Variants in PSMD1 observed in about 807,000 individuals in gnomAD.
The protein encoded by PSMD1 is proteasome 26S subunit, non-ATPase 1.
Under a neutral mutation model 119.0 loss-of-function variants are expected in PSMD1, and 18 were observed. The observed-to-expected ratio is 0.15, with a 90% confidence interval of 0.10 to 0.22. PSMD1 has a LOEUF of 0.22. Among genes scored for constraint, PSMD1 ranks in the 10% least tolerant of loss-of-function variants. PSMD1 has a pLI of 1.00. For missense variants in PSMD1, 702 were observed against 1,158.5 expected (o/e 0.61, Z 5.72); for synonymous variants, 374 against 396.6 (o/e 0.94, Z 0.68).
At chr2:231,073,389 A>G (rs1223037343) in intron 7 of PSMD1, among the ~76,000 whole-genome samples, 1 of 152,194 alleles carries the variant, frequency 6.6e-6, no homozygotes, top group Non-Finnish European at 1.5e-5. Context: ...AGGTATGCCT[A>G]TATTTTTCTT....
chr2:231,092,570 C>T (rs1694621668), intron 16 of PSMD1, among the ~76,000 whole-genome samples: 1 of 152,160 alleles, frequency 6.6e-6, no homozygotes, highest in South Asian at 2.1e-4. Flanking sequence ...GATATCCCGT[C>T]CCTCCATCGG....
chr2:231,153,742 G>T, intron 19 of PSMD1, 76 bp downstream of exon 19: 1 of 1,050,182 alleles, frequency 9.5e-7, no homozygotes, highest in South Asian at 1.6e-5. Flanking sequence ...CTAACTATAT[G>T]ACATAATGGA....
At chr2:231,148,931 C>G (rs1696309611) in intron 18 of PSMD1, among the ~76,000 whole-genome samples, 1 of 152,114 alleles carries the variant, frequency 6.6e-6, no homozygotes, top group Non-Finnish European at 1.5e-5. Context: ...GTCTTAATTG[C>G]AAGATTGCAA....
At chr2:231,130,632 A>G (rs1347696404) in intron 16 of PSMD1, among the ~76,000 whole-genome samples, 2 of 151,918 alleles carry the variant, frequency 1.3e-5, no homozygotes, top group Non-Finnish European at 2.9e-5. Flanking sequence ...TAATTTTTGT[A>G]TTTTTTGTAG....
chr2:231,096,674 G>A (rs754735349), intron 16 of PSMD1, among the ~76,000 whole-genome samples: 2 of 152,190 alleles, frequency 1.3e-5, no homozygotes, highest in East Asian at 1.9e-4. Context: ...AGAAGGGTGC[G>A]CCCTTACAGA....
intron 19 of PSMD1, among the ~76,000 whole-genome samples, chr2:231,156,916 T>TTAC (rs1696519749): frequency 6.6e-6 from 1 of 152,232 alleles, no homozygotes; most frequent in Admixed American, 6.5e-5. Context: ...TCTCCTGAAC[T>TTAC]TACTACTTAT....
At chr2:231,107,755 C>T (rs1364536223) in intron 16 of PSMD1, among the ~76,000 whole-genome samples, 1 of 152,162 alleles carries the variant, frequency 6.6e-6, no homozygotes, top group African/African-American at 2.4e-5. Flanking sequence ...GTTTGTATCC[C>T]TGATTAAGAT....
chr2:231,125,457 TGAA>T (rs1695696279), intron 16 of PSMD1, among the ~76,000 whole-genome samples: 1 of 152,244 alleles, frequency 6.6e-6, no homozygotes. Flanking sequence ...TTTCTAGCAG[TGAA>T]ACAAGATTCT....
At chr2:231,076,495 C>T (rs963730925) in intron 8 of PSMD1, among the ~76,000 whole-genome samples, 17 of 152,216 alleles carry the variant, frequency 1.1e-4, no homozygotes, top group Admixed American at 5.9e-4. Flanking sequence ...GGCAAAACCC[C>T]GTCTCTACTA....
chr2:231,095,296 TC>T, intron 16 of PSMD1, among the ~76,000 whole-genome samples: 1 of 152,326 alleles, frequency 6.6e-6, no homozygotes, highest in Middle Eastern at 3.4e-3. Flanking sequence ...TTTTTGATAA[TC>T]ATTTAAGGTG....
In PSMD1 at chr2:231,170,574, T is replaced by C; in HGVS notation, c.2724T>C (p.Ile908=). ...CRYQPFKPLS[I]GGIIILKDTS... The stretch of plus-strand genomic sequence containing the variant: ...CGCCCCTGTGTTTCCAGCTCTCTAT[T>C]GGAGGCATCATCATTCTGAAGGATA... The change falls in exon 24 of 25, where the codon ATT becomes ATC. Residue 908 remains isoleucine (I), a synonymous_variant. Coordinates refer to ENST00000308696, the MANE Select transcript of PSMD1 (RefSeq NM_002807.4). The surrounding 1 kb of genome is among the most constrained non-coding windows in gnomAD (Gnocchi z 4.1). 1 of 1,613,194 alleles carries C rather than the reference T, an allele frequency of 6.2e-7. No individual in the cohort carries two copies. Among genetic ancestry groups the C allele is most frequent in the Middle Eastern group, 1.7e-4 (1 of 6,060 alleles).
chr2:231,159,542 C>T (rs1418576618), intron 19 of PSMD1, among the ~76,000 whole-genome samples: 1 of 152,164 alleles, frequency 6.6e-6, no homozygotes, highest in Non-Finnish European at 1.5e-5. Context: ...TTACAGTTTG[C>T]TTCAGTCCCC....
In PSMD1 at chr2:231,171,580, A is replaced by G. The variant is rs1486298964; in HGVS notation, c.*9+859A>G. ...TTTTTTTTTTTTTTTTTTGAGACGG[A>G]GTTTCGCTCTTGTTGCTCTTGGCTG... On this transcript the variant is annotated intron_variant, in intron 24 of 24. Transcript: ENST00000308696. 2.4e-4 allele frequency among the ~76,000 whole-genome samples: 27 copies of G among 112,300 alleles called. No individual in the cohort carries two copies. In the East Asian group the frequency reaches 5.6e-3, roughly 23 times the overall value. 73.7% of individuals were successfully genotyped at this position (112,300 alleles called of 152,430 possible).
intron 16 of PSMD1, chr2:231,123,943 G>T (rs1244462610): frequency 1.6e-6 from 1 of 621,658 alleles, no homozygotes; most frequent in African/African-American, 1.8e-5. Flanking sequence ...ACACACATCT[G>T]TCCATGTTTG....
In PSMD1 at chr2:231,146,346, C is replaced by T; in HGVS notation, c.2105C>T (p.Thr702Ile). 1 of 1,611,302 alleles carries T rather than the reference C, an allele frequency of 6.2e-7. No homozygotes were observed. The highest frequency in any genetic ancestry group is 1.3e-5 in the African/African-American group (1 of 74,976). The change falls in exon 18 of 25, where the codon ACT becomes ATT. Residue 702 changes from threonine to isoleucine, a missense_variant. This residue lies in a region of PSMD1 where 272 missense variants were observed against 511.6 expected (regional missense o/e 0.53). Coordinates refer to ENST00000308696, the MANE Select transcript of PSMD1 (RefSeq NM_002807.4). Reference protein sequence around the residue: ...ALIMIQQTEITCPKVNQFRQL... With the variant: ...ALIMIQQTEIICPKVNQFRQL... ...ATCATGATCCAGCAGACTGAAATCA[C>T]TTGTCCAAAGGTGAGCAAACAAAGA...
chr2:231,170,744 A>T lies in PSMD1; in HGVS notation c.*9+23A>T. 1 of 1,550,654 alleles carries T rather than the reference A, an allele frequency of 6.4e-7. No individual in the cohort carries two copies. The highest frequency in any genetic ancestry group is 8.7e-7 in the Non-Finnish European group (1 of 1,148,686). On this transcript the variant is annotated intron_variant, in intron 24 of 24. Coordinates refer to ENST00000308696, the MANE Select transcript of PSMD1 (RefSeq NM_002807.4). This position sits in a 1 kb window ranked among gnomAD's most constrained non-coding sequence, Gnocchi z 4.1. ...GAGGTGCGTGTGCAACAAAATTATG[A>T]AGGGAAACTTCTTTGTCAATACTTC...
chr2:231,153,501 T>G lies in PSMD1; in HGVS notation c.2116-63T>G, dbSNP rs1186345039. The G allele has an allele frequency of 6.2e-6, 7 of 1,121,188 alleles. No individual in the cohort carries two copies. The East Asian group carries it at 1.7e-4, about 27-fold the overall frequency. 69.5% of individuals were successfully genotyped at this position (1,121,188 alleles called of 1,614,324 possible). On this transcript the variant is annotated intron_variant, in intron 18 of 24. Transcript: ENST00000308696. ...TTATCATTGGAGCAATATTATTCCCTGTTCTAAAATGGTACCGCAAATGAG... is the reference window on the plus strand; with the variant it reads ...TTATCATTGGAGCAATATTATTCCCGGTTCTAAAATGGTACCGCAAATGAG...
intron 16 of PSMD1, among the ~76,000 whole-genome samples, chr2:231,094,544 A>G (rs1694680573): frequency 6.6e-6 from 1 of 152,186 alleles, no homozygotes; most frequent in Non-Finnish European, 1.5e-5. Context: ...AACAATATTG[A>G]TGGGCTGAGC....
intron 24 of PSMD1, among the ~76,000 whole-genome samples, chr2:231,172,257 C>T (rs562939854): frequency 3.9e-5 from 6 of 152,248 alleles, no homozygotes; most frequent in Non-Finnish European, 7.4e-5. Context: ...TCATGGAAAA[C>T]CCTTGATTAC....
Sources: gnomAD v4.1 joint callset for allele counts (sites outside exome capture counted in the v4.1 genomes callset) on GRCh38, gnomAD v4.1.1 for gene constraint, gnomAD v4.1.1 regional missense constraint, Gnocchi (gnomAD v3.1) non-coding constraint, MANE v1.5 for transcripts, NCBI Gene and HGNC (gene_info 2026-07-23, HGNC 2026-07-21) for gene names.